The following CYFIP2 variants were observed in gnomAD, a reference collection of about 807,000 sequenced individuals.
CYFIP2 encodes the protein cytoplasmic FMR1 interacting protein 2, also known as cytoplasmic FMR1-interacting protein 2.
In CYFIP2, 29 loss-of-function variants were observed where a neutral mutation model predicts 158.7. The observed-to-expected ratio is 0.18, with a 90% confidence interval of 0.14 to 0.25. The LOEUF is 0.25. Among genes scored for constraint, CYFIP2 ranks in the 10% least tolerant of loss-of-function variants. CYFIP2 has a pLI of 1.00. For missense variants in CYFIP2, 852 were observed against 1,639.5 expected (o/e 0.52, Z 8.29); for synonymous variants, 585 against 617.6 (o/e 0.95, Z 0.78).
chr5:157,390,883 GC>G (rs1277397808), intron 30 of CYFIP2, among the ~76,000 whole-genome samples: 1 of 152,198 alleles, frequency 6.6e-6, no homozygotes, highest in Non-Finnish European at 1.5e-5. Flanking sequence ...ACCCCGAAGG[GC>G]AGGGCTGGGC....
chr5:157,296,649 G>A (rs771915743), intron 4 of CYFIP2, 24 bp from the exon 5 acceptor site: 2 of 1,603,150 alleles, frequency 1.2e-6, no homozygotes, highest in African/African-American at 1.3e-5. Flanking sequence ...ACCAGGATGT[G>A]TGTGTCCCCA....
chr5:157,270,001 A>G (rs1364737675), intron 1 of CYFIP2, among the ~76,000 whole-genome samples: 2 of 152,242 alleles, frequency 1.3e-5, no homozygotes. Flanking sequence ...CAAATTCTTG[A>G]AAGAAATTGT....
intron 4 of CYFIP2, chr5:157,296,438 A>G: frequency 2.0e-6 from 1 of 496,350 alleles, no homozygotes; most frequent in Non-Finnish European, 3.9e-6. Context: ...TACACCAACT[A>G]CAAAAATTAG....
At chr5:157,341,042 C>T in intron 22 of CYFIP2, 28 bp from the exon 23 acceptor site, 1 of 1,601,864 alleles carries the variant, frequency 6.2e-7, no homozygotes, top group Non-Finnish European at 8.6e-7. Flanking sequence ...ACCATATTAA[C>T]TCTTTCCCAT....
At chr5:157,291,972 C>T (rs1757854562) in intron 3 of CYFIP2, among the ~76,000 whole-genome samples, 1 of 151,932 alleles carries the variant, frequency 6.6e-6, no homozygotes, top group African/African-American at 2.4e-5. Flanking sequence ...AGCATATTCA[C>T]AATGTTATAC....
chr5:157,322,130 A>G (rs1760642409), intron 15 of CYFIP2, among the ~76,000 whole-genome samples: 1 of 152,200 alleles, frequency 6.6e-6, no homozygotes, highest in Non-Finnish European at 1.5e-5. Flanking sequence ...TAGGTGGCAC[A>G]GACATGTTGA....
At chr5:157,288,113 T>G (rs759667478) in intron 3 of CYFIP2, among the ~76,000 whole-genome samples, 22 of 152,062 alleles carry the variant, frequency 1.4e-4, no homozygotes, top group Non-Finnish European at 2.9e-4. Flanking sequence ...GAGTAGTGGC[T>G]TATTGGCTTA....
intron 23 of CYFIP2, 54 bp from the exon 24 acceptor site, chr5:157,358,951 A>G: frequency 6.2e-7 from 1 of 1,607,910 alleles, no homozygotes; most frequent in Non-Finnish European, 8.5e-7. Context: ...CCAGGACTCC[A>G]CCAGTGTCCA....
intron 9 of CYFIP2, among the ~76,000 whole-genome samples, chr5:157,309,252 C>T (rs894715685): frequency 6.6e-6 from 1 of 152,118 alleles, no homozygotes; most frequent in African/African-American, 2.4e-5. Flanking sequence ...CCGCCATTTG[C>T]CCTGGTTTTT....
intron 1 of CYFIP2, among the ~76,000 whole-genome samples, chr5:157,281,353 T>C (rs935429957): frequency 2.6e-5 from 4 of 152,200 alleles, no homozygotes; most frequent in Non-Finnish European, 5.9e-5. Context: ...AAGGATATTA[T>C]CATTTTTCTG....
intron 28 of CYFIP2, chr5:157,384,171 G>C: frequency 2.5e-6 from 1 of 404,624 alleles, no homozygotes; most frequent in Non-Finnish European, 5.0e-6. Context: ...AAACCAGTAC[G>C]AGTCACGATG....
At chr5:157,321,460 C>T (rs563311893) in intron 15 of CYFIP2, among the ~76,000 whole-genome samples, 226 of 152,262 alleles carry the variant, frequency 1.5e-3, no homozygotes, top group African/African-American at 4.9e-3. Context: ...CACAAGAGGT[C>T]GCCCGTGGCT....
chr5:157,298,412 A>C (rs1207476652), intron 5 of CYFIP2, among the ~76,000 whole-genome samples: 1 of 151,958 alleles, frequency 6.6e-6, no homozygotes, highest in Non-Finnish European at 1.5e-5. Flanking sequence ...GCTCACTGCA[A>C]CTTCAGCCTC....
At position 157,394,555 on chromosome 5, in the gene CYFIP2, C is replaced by T. The variant is rs1040063753; in HGVS notation, c.*1555C>T. ...AGAGTAGCACATTTGAGTGCAGATTCCTGGGCCCCACCTCAAACCTACTAA... is the reference window on the plus strand; with the variant it reads ...AGAGTAGCACATTTGAGTGCAGATTTCTGGGCCCCACCTCAAACCTACTAA... On this transcript the variant is annotated 3_prime_UTR_variant, in exon 31 of 31. Coordinates refer to ENST00000620254, the MANE Select transcript of CYFIP2 (RefSeq NM_001037333.3). 2.6e-5 allele frequency: 4 copies of T among 152,186 alleles called. No homozygotes were observed. The highest frequency in any genetic ancestry group is 9.7e-5 in the African/African-American group (4 of 41,436). The allele number at this position is 152,186 out of a possible 1,614,324, so 9.4% of individuals were successfully genotyped here.
At chr5:157,360,478 G>A in intron 25 of CYFIP2, 106 bp downstream of exon 25, 1 of 862,262 alleles carries the variant, frequency 1.2e-6, no homozygotes, top group Non-Finnish European at 1.8e-6. Context: ...AGCTGGCAGA[G>A]TACTGGCTAT....
chr5:157,350,449 T>G (rs953390410), intron 23 of CYFIP2, among the ~76,000 whole-genome samples: 7 of 152,244 alleles, frequency 4.6e-5, no homozygotes, highest in African/African-American at 1.7e-4. Context: ...GTATTTGGCT[T>G]TATTTCTGGG....
intron 23 of CYFIP2, among the ~76,000 whole-genome samples, chr5:157,354,906 G>A (rs114150587): frequency 0.015 from 2,332 of 152,276 alleles, 29 homozygotes; most frequent in Non-Finnish European, 0.019. Flanking sequence ...GTTCAGGGAA[G>A]CTTGGTACTA....
intron 29 of CYFIP2, among the ~76,000 whole-genome samples, 194 bp from the exon 30 acceptor site, chr5:157,390,327 T>A (rs952469601): frequency 6.6e-6 from 1 of 152,102 alleles, no homozygotes; most frequent in East Asian, 1.9e-4. Context: ...GAAGGACTTA[T>A]GACATAACTA....
intron 8 of CYFIP2, among the ~76,000 whole-genome samples, chr5:157,306,906 A>C (rs971049968): frequency 6.6e-6 from 1 of 151,630 alleles, no homozygotes; most frequent in African/African-American, 2.4e-5. Flanking sequence ...AAAAAAAAAA[A>C]AAACCGGAAA....
Sources: gnomAD v4.1 joint callset for allele counts (sites outside exome capture counted in the v4.1 genomes callset) on GRCh38, gnomAD v4.1.1 for gene constraint, MANE v1.5 for transcripts, NCBI Gene and HGNC (gene_info 2026-07-23, HGNC 2026-07-21) for gene names.